Variants in COL14A1 observed in about 807,000 individuals in gnomAD.
COL14A1 encodes the protein collagen alpha-1(XIV) chain.
A neutral mutation model predicts 230.3 loss-of-function variants in COL14A1; 136 were observed. That is an observed-to-expected ratio of 0.59 (90% confidence interval 0.51 to 0.68). COL14A1 has a LOEUF of 0.68. Ranked by LOEUF, COL14A1 falls within the 30% of genes least tolerant of loss-of-function variation. The pLI is 0.00. For synonymous variants in COL14A1, 792 were observed against 784.1 expected, an observed-to-expected ratio of 1.01 and a Z score of -0.17; for missense variants, 1,976 against 2,215.8, an observed-to-expected ratio of 0.89 and a Z score of 2.17.
chr8:120,248,986 C>T (rs1247567222), intron 21 of COL14A1, among the ~76,000 whole-genome samples: 2 of 121,460 alleles, frequency 1.6e-5, no homozygotes, highest in Admixed American at 1.1e-4. Context: ...AGTACAGTGG[C>T]GCAGCCTCGG....
At chr8:120,171,034 A>G (rs1223015572) in intron 5 of COL14A1, among the ~76,000 whole-genome samples, 1 of 151,980 alleles carries the variant, frequency 6.6e-6, no homozygotes, top group Non-Finnish European at 1.5e-5. Context: ...ATTTTGTGCT[A>G]TTACCCTACA....
intron 31 of COL14A1, among the ~76,000 whole-genome samples, chr8:120,282,002 C>T (rs1820054455): frequency 6.6e-6 from 1 of 152,072 alleles, no homozygotes; most frequent in South Asian, 2.1e-4. Context: ...GGTACATGTG[C>T]ACATTGTGCA....
intron 31 of COL14A1, among the ~76,000 whole-genome samples, chr8:120,282,787 G>A (rs1029052664): frequency 6.6e-6 from 1 of 152,086 alleles, no homozygotes; most frequent in Non-Finnish European, 1.5e-5. Flanking sequence ...GGGCTCTTCA[G>A]GAAGCAGATT....
chr8:120,276,893 T>G, intron 26 of COL14A1, among the ~76,000 whole-genome samples: 1 of 151,992 alleles, frequency 6.6e-6, no homozygotes, highest in East Asian at 1.9e-4. Flanking sequence ...GGTAACATGC[T>G]GAGGCATGTC....
chr8:120,287,333 G>A (rs1563718448), intron 33 of COL14A1, among the ~76,000 whole-genome samples: 1 of 152,056 alleles, frequency 6.6e-6, no homozygotes. Context: ...GGCTCAAAGT[G>A]GTCCCATTAG....
chr8:120,266,097 G>C (rs1819493753), intron 24 of COL14A1, among the ~76,000 whole-genome samples: 1 of 152,002 alleles, frequency 6.6e-6, no homozygotes, highest in Non-Finnish European at 1.5e-5. Context: ...AATTAGAAAT[G>C]AATACGTAAT....
intron 20 of COL14A1, among the ~76,000 whole-genome samples, chr8:120,244,468 T>C (rs1377842509): frequency 6.6e-6 from 1 of 152,176 alleles, no homozygotes; most frequent in Non-Finnish European, 1.5e-5. Context: ...ATTTGTGATA[T>C]TTTGGTGCAC....
At chr8:120,249,391 C>G in intron 21 of COL14A1, among the ~76,000 whole-genome samples, 1 of 152,112 alleles carries the variant, frequency 6.6e-6, no homozygotes, top group Non-Finnish European at 1.5e-5. Flanking sequence ...AACAGTAAGA[C>G]TAGAACATGG....
intron 45 of COL14A1, among the ~76,000 whole-genome samples, chr8:120,360,589 C>G (rs1176482635): frequency 6.6e-6 from 1 of 152,214 alleles, no homozygotes; most frequent in African/African-American, 2.4e-5. Context: ...TTCAAGACGT[C>G]ATTTTGGGCT....
chr8:120,331,922 T>C (rs576391744), intron 40 of COL14A1, among the ~76,000 whole-genome samples: 1 of 152,366 alleles, frequency 6.6e-6, no homozygotes, highest in South Asian at 2.1e-4. Flanking sequence ...GTGGCATTTC[T>C]TACGCCTAAA....
At chr8:120,284,937 A>AT (rs202035317) in intron 32 of COL14A1, among the ~76,000 whole-genome samples, 1 of 152,156 alleles carries the variant, frequency 6.6e-6, no homozygotes, top group African/African-American at 2.4e-5. Context: ...GAACAAAGGC[A>AT]TTTAAAAAAA....
intron 34 of COL14A1, among the ~76,000 whole-genome samples, chr8:120,296,900 C>T (rs1563723807): frequency 6.6e-6 from 1 of 151,838 alleles, no homozygotes; most frequent in Non-Finnish European, 1.5e-5. Flanking sequence ...TTATGTGCTC[C>T]CCTCTCACTC....
chr8:120,301,045 C>T (rs1211322646), intron 36 of COL14A1, among the ~76,000 whole-genome samples: 1 of 152,100 alleles, frequency 6.6e-6, no homozygotes, highest in South Asian at 2.1e-4. Context: ...TGATGCTTCT[C>T]ACCACTGTGT....
intron 5 of COL14A1, among the ~76,000 whole-genome samples, chr8:120,176,423 T>C (rs898990233): frequency 6.6e-6 from 1 of 152,150 alleles, no homozygotes; most frequent in Admixed American, 6.6e-5. Context: ...TTTTGAGGTA[T>C]ATTTTCACTT....
chr8:120,266,620 T>C (rs1819507448), intron 24 of COL14A1, among the ~76,000 whole-genome samples: 1 of 151,984 alleles, frequency 6.6e-6, no homozygotes. Context: ...GGTGGCAAAA[T>C]GGCATTTCAA....
chr8:120,240,968 G>T (rs1258461269), intron 19 of COL14A1, among the ~76,000 whole-genome samples: 1 of 152,108 alleles, frequency 6.6e-6, no homozygotes. Context: ...TTGTTGTCAG[G>T]GTAGGAAGGT....
chr8:120,134,393 A>C (rs1010476586), intron 1 of COL14A1, among the ~76,000 whole-genome samples: 1 of 152,186 alleles, frequency 6.6e-6, no homozygotes, highest in Non-Finnish European at 1.5e-5. Context: ...TTATTCTATA[A>C]GTGGTATTGG....
intron 23 of COL14A1, among the ~76,000 whole-genome samples, chr8:120,262,408 G>A (rs1213358778): frequency 6.6e-6 from 1 of 151,606 alleles, no homozygotes; most frequent in Non-Finnish European, 1.5e-5. Context: ...GGGAGTAGAG[G>A]TTGCAATGAG....
intron 26 of COL14A1, among the ~76,000 whole-genome samples, chr8:120,272,622 C>T (rs1472691894): frequency 6.6e-6 from 1 of 150,414 alleles, no homozygotes; most frequent in Non-Finnish European, 1.5e-5. Flanking sequence ...AAATGGAAAC[C>T]CAAAGCAAGC....
Sources: allele counts gnomAD v4.1 joint callset (sites outside exome capture counted in the v4.1 genomes callset), GRCh38; gene constraint gnomAD v4.1.1; transcripts MANE v1.5; gene names NCBI Gene and HGNC (gene_info 2026-07-23, HGNC 2026-07-21).